Variants in EYS observed in about 807,000 individuals in gnomAD.
EYS encodes EGF-like photoreceptor maintenance factor.
Under a neutral mutation model 282.1 loss-of-function variants are expected in EYS, and 250 were observed. The ratio of observed to expected loss-of-function variants is 0.89; its 90% CI spans 0.80 to 0.98. The LOEUF is 0.98. EYS is among the 50% of genes least tolerant of loss of function. The probability of loss-of-function intolerance (pLI) is 0.00; values close to 1 mark genes in which losing one functional copy is unlikely to be tolerated. For synonymous variants in EYS, 1,355 were observed against 1,282.9 expected (o/e 1.06, Z -1.20); for missense variants, 4,016 against 3,709.0 (o/e 1.08, Z -2.15).
chr6:64,998,806 A>G (rs141340028), intron 13 of EYS, among the ~76,000 whole-genome samples: 349 of 152,354 alleles, frequency 2.3e-3, no homozygotes, highest in Non-Finnish European at 4.0e-3. Flanking sequence ...TTAAAACCAC[A>G]TATTATACAA....
In EYS at chr6:64,942,667, G is replaced by GA. The variant is rs1268955827; in HGVS notation, c.2381+3125dup. Reference sequence around the variant, plus strand: ...CACACCACCTCTCAAGATTGAATGAGAAAAAAATTGAAATCCTGAAAACAC... The same window carrying GA: ...CACACCACCTCTCAAGATTGAATGAGAAAAAAAATTGAAATCCTGAAAACAC... On this transcript the variant is annotated intron_variant, in intron 15 of 42. Coordinates refer to ENST00000503581, the MANE Select transcript of EYS (RefSeq NM_001142800.2). Among the ~76,000 whole-genome samples, 13 of 151,532 alleles carry GA rather than the reference G, an allele frequency of 8.6e-5. No homozygotes were observed. The South Asian group carries it at 2.5e-3, about 29-fold the overall frequency.
chr6:64,704,279 T>C (rs1489063572), intron 22 of EYS, among the ~76,000 whole-genome samples: 1 of 148,606 alleles, frequency 6.7e-6, no homozygotes, highest in Non-Finnish European at 1.5e-5. Flanking sequence ...ATGAGTATTC[T>C]AATATAAATG....
intron 31 of EYS, among the ~76,000 whole-genome samples, chr6:64,170,607 C>T (rs1306801140): frequency 6.6e-6 from 1 of 150,806 alleles, no homozygotes; most frequent in Non-Finnish European, 1.5e-5. Context: ...ATCCAAATCT[C>T]TCCTTATAGC....
chr6:64,423,052 A>G (rs978807828), intron 28 of EYS, among the ~76,000 whole-genome samples: 17 of 152,094 alleles, frequency 1.1e-4, no homozygotes, highest in African/African-American at 3.4e-4. Context: ...TAATTCATTT[A>G]TTCATTCATT....
chr6:65,609,331 A>G (rs1582514442), intron 2 of EYS, among the ~76,000 whole-genome samples: 3 of 74,728 alleles, frequency 4.0e-5, no homozygotes, highest in Non-Finnish European at 8.4e-5. Context: ...CGTATCCAAG[A>G]TAGCCAAAAA....
At chr6:65,017,799 G>T (rs1772102291) in intron 13 of EYS, among the ~76,000 whole-genome samples, 1 of 152,078 alleles carries the variant, frequency 6.6e-6, no homozygotes. Context: ...TAAAGCTTTA[G>T]CTTTATTTGT....
intron 28 of EYS, among the ~76,000 whole-genome samples, chr6:64,421,764 C>T (rs1774239012): frequency 6.6e-6 from 1 of 151,792 alleles, no homozygotes. Context: ...TTTGTAATAA[C>T]TTGGAAACTG....
intron 28 of EYS, among the ~76,000 whole-genome samples, chr6:64,391,334 A>G (rs1200764795): frequency 6.6e-6 from 1 of 152,054 alleles, no homozygotes; most frequent in African/African-American, 2.4e-5. Context: ...CAGATTCACC[A>G]AAGTTGAAAT....
rs1562254227 is a variant in EYS, at chr6:65,550,143, C to CTTTCTTTTTTTTTT, written c.-332-54151_-332-54150insAAAAAAAAAAGAAA. ...AAGTTAGTATCTGACTCTACTATATCTTTTTTTTTTTTTTTTTTTTTTTTT... is the reference window on the plus strand; with the variant it reads ...AAGTTAGTATCTGACTCTACTATATCTTTCTTTTTTTTTTTTTTTTTTTTTTTTTTTTTTTTTTT... On this transcript the variant is annotated intron_variant, in intron 2 of 42. Coordinates refer to ENST00000503581, the MANE Select transcript of EYS (RefSeq NM_001142800.2). Among the ~76,000 whole-genome samples, 7 of 5,954 alleles carry CTTTCTTTTTTTTTT rather than the reference C, an allele frequency of 1.2e-3. 2 individuals are homozygous for CTTTCTTTTTTTTTT. The highest frequency in any genetic ancestry group is 1.5e-3 in the Non-Finnish European group (6 of 4,064). The allele number at this position is 5,954 out of a possible 152,430, so 3.9% of individuals were successfully genotyped here.
chr6:65,244,688 ATTT>A (rs11351957), intron 12 of EYS, among the ~76,000 whole-genome samples: 8 of 142,392 alleles, frequency 5.6e-5, no homozygotes, highest in Admixed American at 7.0e-5. Context: ...AATTTTTTGT[ATTT>A]TTTTTTTTTT....
chr6:63,774,536 G>A (rs898162792), intron 40 of EYS, among the ~76,000 whole-genome samples: 1 of 152,072 alleles, frequency 6.6e-6, no homozygotes, highest in African/African-American at 2.4e-5. Flanking sequence ...TATACAACAT[G>A]GTGACTATGG....
At chr6:64,678,669 G>A (rs1769782485) in intron 22 of EYS, among the ~76,000 whole-genome samples, 1 of 152,046 alleles carries the variant, frequency 6.6e-6, no homozygotes, top group Non-Finnish European at 1.5e-5. Context: ...TGTTTAGTTT[G>A]TTTCCAATTT....
chr6:64,380,594 G>A (rs971149912), intron 29 of EYS, among the ~76,000 whole-genome samples: 2 of 151,956 alleles, frequency 1.3e-5, no homozygotes, highest in Non-Finnish European at 2.9e-5. Context: ...ATAGAAACAA[G>A]TCCACAAAGT....
At chr6:63,742,738 TTATC>T (rs1482272408) in intron 41 of EYS, among the ~76,000 whole-genome samples, 2 of 152,200 alleles carry the variant, frequency 1.3e-5, no homozygotes, top group African/African-American at 4.8e-5. Context: ...TCTATCTGGA[TTATC>T]TATCAGTTCT....
At chr6:65,450,389 T>C (rs1764357506) in intron 5 of EYS, among the ~76,000 whole-genome samples, 1 of 152,180 alleles carries the variant, frequency 6.6e-6, no homozygotes. Context: ...AGTTACATTG[T>C]ATTTACGAGA....
chr6:65,426,461 A>G (rs1767667382), intron 5 of EYS, among the ~76,000 whole-genome samples: 1 of 152,116 alleles, frequency 6.6e-6, no homozygotes, highest in Admixed American at 6.6e-5. Context: ...CACTGAATGA[A>G]TGAGATTGTC....
At chr6:65,500,812 G>A (rs927545669) in intron 2 of EYS, among the ~76,000 whole-genome samples, 1 of 151,866 alleles carries the variant, frequency 6.6e-6, no homozygotes, top group African/African-American at 2.4e-5. Flanking sequence ...GGAATGAAGT[G>A]ATTGTAGGGA....
chr6:65,209,947 G>C (rs1375757613), intron 12 of EYS, among the ~76,000 whole-genome samples: 2 of 151,946 alleles, frequency 1.3e-5, no homozygotes. Flanking sequence ...CCAGCACAAT[G>C]AACAGAGAGG....
chr6:64,515,535 G>C (rs1039410537), intron 26 of EYS, among the ~76,000 whole-genome samples: 1 of 151,162 alleles, frequency 6.6e-6, no homozygotes, highest in Non-Finnish European at 1.5e-5. Context: ...AATGGAAATA[G>C]ACCCTAATTT....
Sources: gnomAD v4.1 joint callset for allele counts (sites outside exome capture counted in the v4.1 genomes callset) on GRCh38, gnomAD v4.1.1 for gene constraint, MANE v1.5 for transcripts, NCBI Gene and HGNC (gene_info 2026-07-23, HGNC 2026-07-21) for gene names.